The following ITLN2 variants were observed in gnomAD, a reference collection of about 807,000 sequenced individuals.
ITLN2 encodes intelectin 2, also known as intelectin-2.
A neutral mutation model predicts 39.4 loss-of-function variants in ITLN2; 29 were observed. The ratio of observed to expected loss-of-function variants is 0.74; its 90% CI spans 0.55 to 1.00. ITLN2 has a LOEUF of 1.00. Among genes scored for constraint, ITLN2 ranks in the 50% least tolerant of loss-of-function variants. The pLI is 0.00. For synonymous variants in ITLN2, 156 were observed against 153.4 expected (o/e 1.02, Z -0.12); for missense variants, 412 against 416.7 (o/e 0.99, Z 0.10).
At chr1:160,948,513 T>C (rs1349324236) in intron 6 of ITLN2, 1 of 153,438 alleles carries the variant, frequency 6.5e-6, no homozygotes, top group East Asian at 1.9e-4. Context: ...ACTTCTGTGC[T>C]CTTATTATAC....
intron 7 of ITLN2, among the ~76,000 whole-genome samples, chr1:160,946,479 A>G (rs1162993552): frequency 6.6e-6 from 1 of 152,162 alleles, no homozygotes; most frequent in Non-Finnish European, 1.5e-5. Context: ...TGGGAGGCCG[A>G]GACGGGCGGA....
chr1:160,947,343 G>C (rs1202723873), intron 7 of ITLN2, among the ~76,000 whole-genome samples: 1 of 152,202 alleles, frequency 6.6e-6, no homozygotes, highest in Non-Finnish European at 1.5e-5. Flanking sequence ...TCTCAGAATA[G>C]AATGAATGGG....
intron 1 of ITLN2, 134 bp from the exon 2 acceptor site, chr1:160,954,584 C>A: frequency 8.2e-7 from 1 of 1,221,082 alleles, no homozygotes; most frequent in Non-Finnish European, 1.2e-6. Context: ...CTAAAACCTC[C>A]TGGAATATGC....
intron 7 of ITLN2, among the ~76,000 whole-genome samples, chr1:160,947,532 C>G (rs1671634095): frequency 6.6e-6 from 1 of 152,230 alleles, no homozygotes; most frequent in African/African-American, 2.4e-5. Context: ...GGCCATATCT[C>G]AGGCTGTCTC....
In ITLN2 at chr1:160,951,062, G is replaced by T; in HGVS notation, c.422C>A (p.Ala141Asp). 6.2e-7 allele frequency: 1 copy of T among 1,614,182 alleles called. No homozygotes were observed. The highest frequency in any genetic ancestry group is 8.5e-7 in the Non-Finnish European group (1 of 1,180,040). ...ACCAACCTTGTAGTCATCGCTCGTG[G>T]CCGCCTCTGCAGATCCAAAGGTGTT... ...NYNTFGSAEA[A>D]TSDDYKNPGY... is the part of the protein sequence containing the mutation. Residue 141 changes from alanine to aspartate, a missense_variant, in exon 4 of 8, where the codon GCC (alanine) becomes GAC (aspartate). By Grantham distance (126) the Ala-to-Asp change is moderately radical (BLOSUM62 -2). Coordinates refer to ENST00000368029, the MANE Select transcript of ITLN2 (RefSeq NM_080878.3).
In ITLN2 at chr1:160,950,560, A is replaced by T. The variant is rs147105427; in HGVS notation, c.593T>A (p.Ile198Asn). The change falls in exon 5 of 8, where the codon ATC becomes AAC. Residue 198 changes from isoleucine (I) to asparagine (N), a missense_variant. By Grantham distance (149) the Ile-to-Asn change is moderately radical (BLOSUM62 -3). Transcript: ENST00000368029. The part of the protein sequence containing the change: ...LQRLGHNLFG[I>N]YQKYPVKYRS... Reference sequence around the variant, plus strand: ...GCCAGCAGCCCTGTGTACCTGGTAGATGCCAAACAGATTATGTCCCAGTCT... The same window carrying T: ...GCCAGCAGCCCTGTGTACCTGGTAGTTGCCAAACAGATTATGTCCCAGTCT... 38 of 1,613,830 alleles carry T rather than the reference A, an allele frequency of 2.4e-5. 1 individual carries two copies. The African/African-American group carries it at 3.9e-4, about 16-fold the overall frequency.
In ITLN2 at chr1:160,951,396, C is replaced by T. The variant is rs4656970; in HGVS notation, c.194-106G>A. 424 of 1,412,798 alleles carry T rather than the reference C, an allele frequency of 3.0e-4. 2 individuals carry two copies. The highest frequency in any genetic ancestry group is 2.4e-3 in the Admixed American group (99 of 41,440). The allele number at this position is 1,412,798 out of a possible 1,614,324, so 87.5% of individuals were successfully genotyped here. On this transcript the variant is annotated intron_variant, in intron 3 of 7. Coordinates refer to ENST00000368029, the MANE Select transcript of ITLN2 (RefSeq NM_080878.3). ...AAGTCAAAAGCACACTCAGAAGACTCCAACACATACTTGCTGGAAGACGAT... is the reference window on the plus strand; with the variant it reads ...AAGTCAAAAGCACACTCAGAAGACTTCAACACATACTTGCTGGAAGACGAT...
chr1:160,945,392 C>A, intron 7 of ITLN2, 100 bp from the exon 8 acceptor site: 1 of 1,120,772 alleles, frequency 8.9e-7, no homozygotes, highest in Non-Finnish European at 1.2e-6. Context: ...AGTTATCCGC[C>A]TGCCTCGGCC....
chr1:160,951,442 T>C, intron 3 of ITLN2, 152 bp from the exon 4 acceptor site: 1 of 961,484 alleles, frequency 1.0e-6, no homozygotes, highest in Admixed American at 3.0e-5. Context: ...TCTTGTGTTC[T>C]GCTCACCTAT....
At position 160,947,941 on chromosome 1, in the gene ITLN2, A is replaced by G. The variant is rs79788065; in HGVS notation, c.813T>C (p.Cys271=). The change falls in exon 7 of 8, where the codon TGT becomes TGC. Residue 271 remains cysteine (C), a synonymous_variant. Transcript: ENST00000368029. ...ALCAGIKVTG[C]NTEHHCIGGG... is the part of the protein sequence containing the mutation. ...CCCAAAAACTCACATGCTCAGTGTT[A>G]CAGCCAGTAACTTTTATCCCAGCAC... 4.3e-6 allele frequency: 7 copies of G among 1,613,090 alleles called. No homozygotes were observed. The African/African-American group carries it at 9.4e-5, about 22-fold the overall frequency.
At chr1:160,954,135 G>A (rs1230690074) in intron 2 of ITLN2, among the ~76,000 whole-genome samples, 1 of 152,128 alleles carries the variant, frequency 6.6e-6, no homozygotes, top group Non-Finnish European at 1.5e-5. Flanking sequence ...CACAGCCACA[G>A]AAGCAGAGAA....
At chr1:160,946,716 GA>G (rs1376974739) in intron 7 of ITLN2, among the ~76,000 whole-genome samples, 43 of 91,208 alleles carry the variant, frequency 4.7e-4, no homozygotes, top group East Asian at 4.6e-3. Flanking sequence ...CTGTCTCAAA[GA>G]AAAAAAAAAA....
At chr1:160,954,062 G>C (rs1671810121) in intron 2 of ITLN2, among the ~76,000 whole-genome samples, 4 of 152,088 alleles carry the variant, frequency 2.6e-5, no homozygotes, top group Non-Finnish European at 5.9e-5. Flanking sequence ...AGATCCCAAG[G>C]CCAAGGCCAC....
In ITLN2 at chr1:160,946,797, G is replaced by A. The variant is rs559258114; in HGVS notation, c.825+1132C>T. 1.3e-4 allele frequency among the ~76,000 whole-genome samples: 20 copies of A among 152,030 alleles called. 1 individual carries two copies. In the South Asian group the frequency reaches 4.2e-3, roughly 32 times the overall value. On this transcript the variant is annotated intron_variant, in intron 7 of 7. Coordinates refer to ENST00000368029, the MANE Select transcript of ITLN2 (RefSeq NM_080878.3). ...AATTATATTCATAAGACATCATCAGGAGAGTAATGAGAGTAAACAGAATGA... is the reference window on the plus strand; with the variant it reads ...AATTATATTCATAAGACATCATCAGAAGAGTAATGAGAGTAAACAGAATGA...
At chr1:160,950,916 C>T in intron 4 of ITLN2, 127 bp downstream of exon 4, 1 of 1,549,728 alleles carries the variant, frequency 6.5e-7, no homozygotes, top group South Asian at 1.2e-5. Flanking sequence ...GATTCAAGTC[C>T]TGTATTTCTC....
chr1:160,952,057 C>T (rs991983822), intron 3 of ITLN2, among the ~76,000 whole-genome samples: 1 of 152,192 alleles, frequency 6.6e-6, no homozygotes, highest in African/African-American at 2.4e-5. Context: ...TGTTGTCACT[C>T]GCCCTCTTTT....
At chr1:160,951,428 T>G (rs790061) in intron 3 of ITLN2, 138 bp from the exon 4 acceptor site, 1 of 1,170,286 alleles carries the variant, frequency 8.5e-7, no homozygotes, top group African/African-American at 1.6e-5. Flanking sequence ...CGATGCTCCA[T>G]GCATCTTGTG....
At chr1:160,947,879 C>T (rs768196142) in intron 7 of ITLN2, 50 bp downstream of exon 7, 3 of 1,216,806 alleles carry the variant, frequency 2.5e-6, no homozygotes, top group South Asian at 2.4e-5. Context: ...ACAATCTGAT[C>T]TCTCTTTCTT....
intron 6 of ITLN2, 44 bp from the exon 7 acceptor site, chr1:160,948,076 G>T: frequency 6.6e-7 from 1 of 1,511,180 alleles, no homozygotes; most frequent in South Asian, 1.1e-5. Context: ...GTCAAAGGAT[G>T]AACTAGAAGC....
Sources: allele counts gnomAD v4.1 joint callset (sites outside exome capture counted in the v4.1 genomes callset), GRCh38; gene constraint gnomAD v4.1.1; transcripts MANE v1.5; gene names NCBI Gene and HGNC (gene_info 2026-07-23, HGNC 2026-07-21).